ACSL3: variants seen among roughly 807,000 people sequenced by gnomAD.
The protein encoded by ACSL3 is fatty acid CoA ligase Acsl3.
A neutral mutation model predicts 84.7 loss-of-function variants in ACSL3; 34 were observed. That is an observed-to-expected ratio of 0.40 (90% CI 0.31 to 0.53). The LOEUF is 0.53. Ranked by LOEUF, ACSL3 falls within the 20% of genes least tolerant of loss-of-function variation. The pLI is 0.48. For missense variants in ACSL3, 680 were observed against 873.1 expected (o/e 0.78, Z 2.79); for synonymous variants, 315 against 299.4 (o/e 1.05, Z -0.54).
In ACSL3 at chr2:222,941,761, C is replaced by T. The variant is rs1252024176; in HGVS notation, c.*107C>T. The stretch of plus-strand genomic sequence containing the variant: ...GGCAAACTCCATTCCTCATATTAAA[C>T]TATTACTTCTCATGACGTCACCATT... On this transcript the variant is annotated 3_prime_UTR_variant, in exon 17 of 17. Transcript: ENST00000357430. 3 of 1,230,774 alleles carry T rather than the reference C, an allele frequency of 2.4e-6. No individual in the cohort carries two copies. The highest frequency in any genetic ancestry group is 4.9e-5 in the Admixed American group (2 of 41,198). The allele number at this position is 1,230,774 out of a possible 1,614,324, so 76.2% of individuals were successfully genotyped here.
At chr2:222,871,116 C>G (rs1257023749) in intron 1 of ACSL3, among the ~76,000 whole-genome samples, 1 of 152,068 alleles carries the variant, frequency 6.6e-6, no homozygotes, top group Admixed American at 6.5e-5. Flanking sequence ...ACAGAGGAAG[C>G]AGAACCATCG....
In ACSL3 at chr2:222,934,615, T is replaced by C. The variant is rs761813220; in HGVS notation, c.1933T>C (p.Trp645Arg). The C allele has an allele frequency of 1.2e-6, 2 of 1,608,830 alleles. No individual in the cohort carries two copies. The highest frequency in any genetic ancestry group is 1.7e-6 in the Non-Finnish European group (2 of 1,178,294). Residue 645 changes from tryptophan to arginine, a missense_variant, in exon 16 of 17, where the codon TGG becomes CGG. Transcript: ENST00000357430. Reference sequence around the variant, plus strand: ...TCGAAAGAAAGGACTTAAAGGGACTTGGGAGGAGCTGTGTAACAGTTGTGA... The same window carrying C: ...TCGAAAGAAAGGACTTAAAGGGACTCGGGAGGAGCTGTGTAACAGTTGTGA... ...LARKKGLKGT[W>R]EELCNSCEME...
At chr2:222,878,303 A>T (rs1037719089) in intron 1 of ACSL3, among the ~76,000 whole-genome samples, 7 of 152,250 alleles carry the variant, frequency 4.6e-5, no homozygotes, top group Admixed American at 3.3e-4. Context: ...TTCTGTTGGT[A>T]AATATGTACT....
intron 12 of ACSL3, among the ~76,000 whole-genome samples, chr2:222,927,830 C>T (rs1462203150): frequency 6.6e-6 from 1 of 152,176 alleles, no homozygotes; most frequent in East Asian, 1.9e-4. Flanking sequence ...TACAAAACCT[C>T]ATGACTGATT....
In ACSL3 at chr2:222,927,014, T is replaced by C. The variant is rs1375783958; in HGVS notation, c.1293-3T>C. On this transcript the variant is annotated splice_region_variant and splice_polypyrimidine_tract_variant and intron_variant, in intron 11 of 16. Coordinates refer to ENST00000357430, the MANE Select transcript of ACSL3 (RefSeq NM_004457.5). The stretch of plus-strand genomic sequence containing the variant: ...CCTGTGGTTCTCTAATTTTTTTCTT[T>C]AGCTTTGTTTTCCGGAAAGTTCGAA... 1.1e-5 allele frequency: 18 copies of C among 1,609,592 alleles called. No individual in the cohort carries two copies. The highest frequency in any genetic ancestry group is 2.2e-5 in the East Asian group (1 of 44,784).
In ACSL3 at chr2:222,861,221, G is replaced by A. The variant is rs1574507514; in HGVS notation, c.-244G>A. 3 of 152,172 alleles carry A rather than the reference G, an allele frequency of 2.0e-5. No individual in the cohort carries two copies. The highest frequency in any genetic ancestry group is 4.4e-5 in the Non-Finnish European group (3 of 68,074). The allele number at this position is 152,172 out of a possible 1,614,324, so 9.4% of individuals were successfully genotyped here. ...CTCTGGGGCTCAGCCAGGCCTGCGC[G>A]GGCCCGAGGCCGGAGGAACCCGGAC... On this transcript the variant is annotated 5_prime_UTR_variant, in exon 1 of 17. Transcript: ENST00000357430.
chr2:222,895,291 A>G (rs946536124), intron 2 of ACSL3, among the ~76,000 whole-genome samples: 5 of 152,190 alleles, frequency 3.3e-5, no homozygotes, highest in African/African-American at 1.2e-4. Context: ...GCAAGCTCCT[A>G]TTCCTGCACA....
intron 1 of ACSL3, among the ~76,000 whole-genome samples, chr2:222,880,383 T>TTG: frequency 6.6e-6 from 1 of 152,268 alleles, no homozygotes; most frequent in Non-Finnish European, 1.5e-5. Flanking sequence ...CAGGGTTTTT[T>TTG]TGTGTGTGTC....
At chr2:222,918,788 T>G (rs1696652219) in intron 6 of ACSL3, among the ~76,000 whole-genome samples, 1 of 151,734 alleles carries the variant, frequency 6.6e-6, no homozygotes, top group African/African-American at 2.4e-5. Flanking sequence ...CAACCTGTGT[T>G]TACATGCCCG....
At chr2:222,899,389 C>T (rs901168334) in intron 2 of ACSL3, among the ~76,000 whole-genome samples, 1 of 151,942 alleles carries the variant, frequency 6.6e-6, no homozygotes, top group Non-Finnish European at 1.5e-5. Flanking sequence ...GCAGGAGAAT[C>T]GCTTGAACCT....
At chr2:222,888,891 A>T (rs1695780566) in intron 2 of ACSL3, among the ~76,000 whole-genome samples, 1 of 152,196 alleles carries the variant, frequency 6.6e-6, no homozygotes, top group African/African-American at 2.4e-5. Context: ...TGTTTTAGAC[A>T]TGTCTGTGCC....
intron 1 of ACSL3, among the ~76,000 whole-genome samples, chr2:222,863,440 T>C (rs1695061599): frequency 6.6e-6 from 1 of 152,202 alleles, no homozygotes; most frequent in African/African-American, 2.4e-5. Context: ...CCGGCTCTCA[T>C]TGCAAGATAC....
rs1164054069 is a variant in ACSL3 at position 222,943,976 on chromosome 2, C to T, written c.*2322C>T. 1 of 152,074 alleles carries T rather than the reference C, an allele frequency of 6.6e-6. No individual in the cohort carries two copies. The highest frequency in any genetic ancestry group is 2.4e-5 in the African/African-American group (1 of 41,412). 9.4% of individuals were successfully genotyped at this position (152,074 alleles called of 1,614,324 possible). On this transcript the variant is annotated 3_prime_UTR_variant, in exon 17 of 17. Coordinates refer to ENST00000357430, the MANE Select transcript of ACSL3 (RefSeq NM_004457.5). ...TATTGTTTACTGGGAATAAACTAAG[C>T]TCTATGAAGAATTCGTAAGCATTAC...
chr2:222,879,835 G>C lies in ACSL3; in HGVS notation c.-206-7995G>C, dbSNP rs139509532. ...CCAACAGTCGTAGGCCAGGCAATGT[G>C]GACTGTGGGTTGACATCACTGGAGA... On this transcript the variant is annotated intron_variant, in intron 1 of 16. Transcript: ENST00000357430. 4.5e-3 allele frequency among the ~76,000 whole-genome samples: 687 copies of C among 152,220 alleles called. 5 individuals are homozygous for C. Among genetic ancestry groups the C allele is most frequent in the Non-Finnish European group, 7.0e-3 (477 of 68,012 alleles).
At position 222,919,305 on chromosome 2, in the gene ACSL3, A is replaced by T. The variant is rs986779508; in HGVS notation, c.805+103A>T. 2.9e-6 allele frequency: 4 copies of T among 1,397,688 alleles called. No individual in the cohort carries two copies. In the African/African-American group the frequency reaches 5.8e-5, roughly 20 times the overall value. 86.6% of individuals were successfully genotyped at this position (1,397,688 alleles called of 1,614,324 possible). On this transcript the variant is annotated intron_variant, in intron 7 of 16. Coordinates refer to ENST00000357430, the MANE Select transcript of ACSL3 (RefSeq NM_004457.5). Reference sequence around the variant, plus strand: ...CTGAGGTTAGCTCAAATGACACATCAGTTTTCTAACATCAGTTAGGAAAAC... The same window carrying T: ...CTGAGGTTAGCTCAAATGACACATCTGTTTTCTAACATCAGTTAGGAAAAC...
In ACSL3 at chr2:222,930,806, A is replaced by T. The variant is rs762268950; in HGVS notation, c.1726A>T (p.Ile576Phe). The stretch of plus-strand genomic sequence containing the variant: ...GTTTGAACCCGATGGATGCTTAAAG[A>T]TTATTGGTAAGTCATCTAATATTTT... ...GEFEPDGCLK[I>F]IDRKKDLVKL... The change falls in exon 14 of 17, where the codon ATT becomes TTT. Residue 576 changes from isoleucine to phenylalanine, a missense_variant. Around this residue, in one of 2 missense-constraint regions of ACSL3, gnomAD observed 347 missense variants for 525.7 expected, o/e 0.66. Transcript: ENST00000357430. The T allele has an allele frequency of 4.4e-6, 7 of 1,594,080 alleles. No individual in the cohort carries two copies. Among genetic ancestry groups the T allele is most frequent in the Non-Finnish European group, 8.5e-7 (1 of 1,171,468 alleles).
intron 14 of ACSL3, 45 bp from the exon 15 acceptor site, chr2:222,933,121 T>C (rs1336011052): frequency 2.6e-6 from 3 of 1,142,768 alleles, no homozygotes; most frequent in Non-Finnish European, 2.6e-6. Flanking sequence ...GTTACTAATA[T>C]TATTACTCAT....
At chr2:222,888,049 T>C (rs753177465) in intron 2 of ACSL3, among the ~76,000 whole-genome samples, 161 bp downstream of exon 2, 1 of 152,220 alleles carries the variant, frequency 6.6e-6, no homozygotes, top group Non-Finnish European at 1.5e-5. Context: ...TCTGTATAAA[T>C]CAATTGGGAC....
chr2:222,880,855 A>C (rs79474834), intron 1 of ACSL3, among the ~76,000 whole-genome samples: 11,124 of 151,248 alleles, frequency 0.074, 516 homozygotes, highest in Middle Eastern at 0.13. Context: ...ACAAAAAAAA[A>C]CCTGTCTATT....
Sources: gnomAD v4.1 joint callset for allele counts (sites outside exome capture counted in the v4.1 genomes callset) on GRCh38, gnomAD v4.1.1 for gene constraint, gnomAD v4.1.1 regional missense constraint, MANE v1.5 for transcripts, NCBI Gene and HGNC (gene_info 2026-07-23, HGNC 2026-07-21) for gene names.